The following IPO11 variants were observed in gnomAD, a reference collection of about 807,000 sequenced individuals.
IPO11 encodes the protein importin 11.
Under a neutral mutation model 143.2 loss-of-function variants are expected in IPO11, and 66 were observed. The observed-to-expected ratio is 0.46, with a 90% confidence interval of 0.38 to 0.57. IPO11 has a LOEUF of 0.57. IPO11 is among the 20% of genes least tolerant of loss of function. IPO11 has a pLI of 0.00. For synonymous variants in IPO11, 385 were observed against 377.8 expected (o/e 1.02, Z -0.22); for missense variants, 1,026 against 1,141.0 (o/e 0.90, Z 1.45).
At chr5:62,568,834 A>AGC (rs1744043930) in intron 27 of IPO11, among the ~76,000 whole-genome samples, 2 of 152,154 alleles carry the variant, frequency 1.3e-5, no homozygotes, top group Non-Finnish European at 2.9e-5. Flanking sequence ...GCTTTAAAGA[A>AGC]TTAGATATTT....
intron 1 of IPO11, among the ~76,000 whole-genome samples, chr5:62,432,486 T>C (rs1736759026): frequency 1.3e-5 from 2 of 152,244 alleles, no homozygotes; most frequent in African/African-American, 2.4e-5. Flanking sequence ...TTGGCTGTTA[T>C]GTCCCTGGAG....
At position 62,419,170 on chromosome 5, in the gene IPO11, A is replaced by G. The variant is rs962966496; in HGVS notation, c.-7+6241A>G. On this transcript the variant is annotated intron_variant, in intron 1 of 29. Coordinates refer to ENST00000325324, the MANE Select transcript of IPO11 (RefSeq NM_016338.5). ...TAAACATGTCTAAACTTAGAAAGGT[A>G]CTGTAAAAATACAGTGTAGAAGTAA... is the stretch of plus-strand genomic sequence containing the variant. 4.6e-6 allele frequency: 7 copies of G among 1,537,456 alleles called. No homozygotes were observed. The East Asian group carries it at 1.5e-4, about 32-fold the overall frequency.
At position 62,546,749 on chromosome 5, in the gene IPO11, T is replaced by A. The variant is rs536059118; in HGVS notation, c.2251-3618T>A. 2.7e-4 allele frequency among the ~76,000 whole-genome samples: 41 copies of A among 152,316 alleles called. No homozygotes were observed. The South Asian group carries it at 7.9e-3, about 29-fold the overall frequency. ...TGGATGATTGAAGTACCACACCTTG[T>A]CCAGTTACACAGTGGAGTACTGTGC... On this transcript the variant is annotated intron_variant, in intron 24 of 29. Coordinates refer to ENST00000325324, the MANE Select transcript of IPO11 (RefSeq NM_016338.5).
intron 1 of IPO11, among the ~76,000 whole-genome samples, chr5:62,434,908 G>A (rs1017671705): frequency 7.3e-5 from 11 of 150,666 alleles, no homozygotes; most frequent in Admixed American, 1.3e-4. Context: ...GCCTGTAGTC[G>A]CAGCTACTTG....
At chr5:62,602,493 A>ACC (rs1745543450) in intron 29 of IPO11, among the ~76,000 whole-genome samples, 1 of 152,090 alleles carries the variant, frequency 6.6e-6, no homozygotes, top group East Asian at 1.9e-4. Context: ...CATTTAACTA[A>ACC]CTTTATTATA....
rs377192451 is a variant in IPO11, at chr5:62,501,826, T to C, written c.1591-2841T>C. ...TTTAAATAATTGAATTATGAAATCA[T>C]AATTTTATTTCTCCTTAGCATATTA... is the stretch of plus-strand genomic sequence containing the variant. On this transcript the variant is annotated intron_variant, in intron 16 of 29. Coordinates refer to ENST00000325324, the MANE Select transcript of IPO11 (RefSeq NM_016338.5). 2.6e-5 allele frequency among the ~76,000 whole-genome samples: 4 copies of C among 152,226 alleles called. No homozygotes were observed. The East Asian group carries it at 7.7e-4, about 29-fold the overall frequency.
chr5:62,590,641 A>G (rs553236011), intron 27 of IPO11, among the ~76,000 whole-genome samples: 13 of 152,242 alleles, frequency 8.5e-5, no homozygotes, highest in East Asian at 3.9e-4. Flanking sequence ...TTAGATAACT[A>G]TTTTGAAAAG....
intron 16 of IPO11, among the ~76,000 whole-genome samples, chr5:62,498,080 C>G (rs1371341738): frequency 6.6e-6 from 1 of 151,892 alleles, no homozygotes; most frequent in Non-Finnish European, 1.5e-5. Flanking sequence ...GCCTTCACAC[C>G]TGGTAGGAAA....
chr5:62,627,453 A>G lies in IPO11; in HGVS notation c.*135A>G. 9.0e-6 allele frequency: 7 copies of G among 775,172 alleles called. No homozygotes were observed. The highest frequency in any genetic ancestry group is 1.7e-5 in the African/African-American group (1 of 57,954). The allele number at this position is 775,172 out of a possible 1,614,324, so 48.0% of individuals were successfully genotyped here. On this transcript the variant is annotated 3_prime_UTR_variant, in exon 30 of 30. Transcript: ENST00000325324. ...GCAAAGACCACACATTTTTTACTACAAAATGTAAAGGATAAATGTAAATCC... is the reference window on the plus strand; with the variant it reads ...GCAAAGACCACACATTTTTTACTACGAAATGTAAAGGATAAATGTAAATCC...
At chr5:62,498,916 C>T (rs952894334) in intron 16 of IPO11, among the ~76,000 whole-genome samples, 3 of 152,108 alleles carry the variant, frequency 2.0e-5, no homozygotes, top group African/African-American at 7.2e-5. Flanking sequence ...ATTATTTAAC[C>T]TTCAGTAAAA....
rs149239278 is a variant in IPO11, at chr5:62,453,104, C to G, written c.516+1171C>G. 1.4e-3 allele frequency among the ~76,000 whole-genome samples: 214 copies of G among 150,834 alleles called. 12 individuals are homozygous for G. The highest frequency in any genetic ancestry group is 4.9e-3 in the African/African-American group (198 of 40,302). ...TCAGGTCTGTTCTGAATCATGCTGCCCTCCAAAAAAGAAGAGGGTGACATG... is the reference window on the plus strand; with the variant it reads ...TCAGGTCTGTTCTGAATCATGCTGCGCTCCAAAAAAGAAGAGGGTGACATG... On this transcript the variant is annotated intron_variant, in intron 5 of 29. Coordinates refer to ENST00000325324, the MANE Select transcript of IPO11 (RefSeq NM_016338.5).
chr5:62,431,912 G>T (rs1407033412), intron 1 of IPO11, among the ~76,000 whole-genome samples: 2 of 149,804 alleles, frequency 1.3e-5, no homozygotes, highest in Non-Finnish European at 2.9e-5. Flanking sequence ...CTGCACTCCA[G>T]CCTGGGTGAC....
At position 62,620,303 on chromosome 5, in the gene IPO11, A is replaced by G. The variant is rs541082344; in HGVS notation, c.2764-6851A>G. Among the ~76,000 whole-genome samples, 24 of 152,212 alleles carry G rather than the reference A, an allele frequency of 1.6e-4. No individual in the cohort carries two copies. The East Asian group carries it at 4.5e-3, about 28-fold the overall frequency. On this transcript the variant is annotated intron_variant, in intron 29 of 29. Coordinates refer to ENST00000325324, the MANE Select transcript of IPO11 (RefSeq NM_016338.5). The stretch of plus-strand genomic sequence containing the variant: ...GGGAGGCCGAGGTGGGCGGATCACG[A>G]GGTCAGGAGATTGAGACCATTCTGG...
At chr5:62,614,784 C>T (rs1422530455) in intron 29 of IPO11, among the ~76,000 whole-genome samples, 1 of 152,138 alleles carries the variant, frequency 6.6e-6, no homozygotes, top group Non-Finnish European at 1.5e-5. Context: ...CAGCTCAGTG[C>T]CCTCTTAGTA....
chr5:62,448,265 A>G (rs78744512), intron 3 of IPO11, among the ~76,000 whole-genome samples: 1,960 of 151,966 alleles, frequency 0.013, 34 homozygotes, highest in African/African-American at 0.045. Flanking sequence ...CAAAGGAATA[A>G]TTCATGTCCC....
chr5:62,508,521 TTCTTCCTTTG>T (rs1360382835), intron 19 of IPO11, among the ~76,000 whole-genome samples: 7 of 151,880 alleles, frequency 4.6e-5, no homozygotes, highest in African/African-American at 1.7e-4. Context: ...TTCTTCTTCT[TTCTTCCTTTG>T]TCTTCCTTCT....
intron 26 of IPO11, among the ~76,000 whole-genome samples, chr5:62,553,323 A>AGTGTGTGT (rs3077458): frequency 0.013 from 1,548 of 119,186 alleles, 34 homozygotes; most frequent in African/African-American, 0.046. Context: ...TATTCGTGTG[A>AGTGTGTGT]GTGTGTGTGT....
At chr5:62,580,773 A>G (rs1580348591) in intron 27 of IPO11, 1 of 1,551,462 alleles carries the variant, frequency 6.4e-7, no homozygotes, top group Non-Finnish European at 8.7e-7. Flanking sequence ...GTCCTCTGGA[A>G]AATACTGAGA....
At chr5:62,626,159 A>T (rs1171979459) in intron 29 of IPO11, among the ~76,000 whole-genome samples, 1 of 151,916 alleles carries the variant, frequency 6.6e-6, no homozygotes, top group Non-Finnish European at 1.5e-5. Context: ...CCTCCCAAGT[A>T]GCTGGGACTA....
Sources: gnomAD v4.1 joint callset for allele counts (sites outside exome capture counted in the v4.1 genomes callset) on GRCh38, gnomAD v4.1.1 for gene constraint, MANE v1.5 for transcripts, NCBI Gene and HGNC (gene_info 2026-07-23, HGNC 2026-07-21) for gene names.